ILDR1: variants seen among roughly 807,000 people sequenced by gnomAD.
ILDR1 encodes immunoglobulin-like domain-containing receptor 1.
In ILDR1, 56 loss-of-function variants were observed where a neutral mutation model predicts 62.4. That is an observed-to-expected ratio of 0.90 (90% CI 0.72 to 1.12). The LOEUF is 1.12. Among genes scored for constraint, ILDR1 ranks in the 50% most tolerant of loss-of-function variants. The pLI, the probability that ILDR1 is intolerant of heterozygous loss-of-function variation, is 0.00. For missense variants in ILDR1, 736 were observed against 710.6 expected (o/e 1.04, Z -0.41); for synonymous variants, 284 against 277.8 (o/e 1.02, Z -0.22).
At chr3:122,047,083 A>G in the ILDR1 span, among the ~76,000 whole-genome samples, 1 of 145,350 alleles carries the variant, frequency 6.9e-6, no homozygotes, top group African/African-American at 2.6e-5. Flanking sequence ...ATGGTGATGT[A>G]CAGATGGGTT....
intron 5 of ILDR1, among the ~76,000 whole-genome samples, chr3:121,999,418 A>G (rs2107652928): frequency 6.6e-6 from 1 of 152,382 alleles, no homozygotes; most frequent in Non-Finnish European, 1.5e-5. Context: ...TTTGACCAAG[A>G]AAATAACTTT....
At chr3:122,036,923 A>G in the ILDR1 span, among the ~76,000 whole-genome samples, 1 of 152,202 alleles carries the variant, frequency 6.6e-6, no homozygotes, top group Non-Finnish European at 1.5e-5. Context: ...AGCCATGGCT[A>G]AAAGGGGCCA....
In ILDR1 at chr3:122,007,039, G is replaced by T. The variant is rs148962924; in HGVS notation, c.181C>A (p.Arg61Ser). ...GGGTCCTTGCAGAAGGACTTGAAGC[G>T]CCATGTCACCACCACGTCCTGGAGC... is the stretch of plus-strand genomic sequence containing the variant. ...AQLQDVVVTWRFKSFCKDPIF... is the reference protein window; with the variant it reads ...AQLQDVVVTWSFKSFCKDPIF... The change falls in exon 2 of 8, where the codon CGC becomes AGC. Residue 61 changes from arginine to serine, a missense_variant. Arg to Ser is a moderately radical substitution (Grantham distance 110). Transcript: ENST00000344209. 10 of 1,613,708 alleles carry T rather than the reference G, an allele frequency of 6.2e-6. No individual in the cohort carries two copies. In the East Asian group the frequency reaches 8.9e-5, roughly 14 times the overall value.
the ILDR1 span, among the ~76,000 whole-genome samples, chr3:122,053,996 CTT>C: frequency 6.6e-6 from 1 of 152,080 alleles, no homozygotes; most frequent in African/African-American, 2.4e-5. Flanking sequence ...AGATAGATAA[CTT>C]ATATTATTGC....
the ILDR1 span, among the ~76,000 whole-genome samples, chr3:122,032,529 TA>T: frequency 5.3e-4 from 81 of 152,320 alleles, no homozygotes; most frequent in South Asian, 0.016. Flanking sequence ...ATGGTGATCT[TA>T]AGATATGTCC....
At chr3:122,034,018 T>C in the ILDR1 span, among the ~76,000 whole-genome samples, 1 of 152,210 alleles carries the variant, frequency 6.6e-6, no homozygotes, top group East Asian at 1.9e-4. Context: ...TCCATAAAAA[T>C]CGCTAGGGTT....
At chr3:121,998,818 G>A (rs1441951669) in intron 5 of ILDR1, among the ~76,000 whole-genome samples, 2 of 152,134 alleles carry the variant, frequency 1.3e-5, no homozygotes, top group African/African-American at 4.8e-5. Flanking sequence ...CCCCTCCTAC[G>A]GTGTCTTAGC....
chr3:121,995,469 T>C (rs1441559821), intron 5 of ILDR1, among the ~76,000 whole-genome samples: 1 of 152,196 alleles, frequency 6.6e-6, no homozygotes, highest in African/African-American at 2.4e-5. Flanking sequence ...GGTCATCCAG[T>C]GGGCTGCTCA....
intron 5 of ILDR1, among the ~76,000 whole-genome samples, 164 bp from the exon 6 acceptor site, chr3:121,994,477 C>G (rs1225165238): frequency 1.3e-5 from 2 of 152,188 alleles, no homozygotes; most frequent in East Asian, 3.9e-4. Context: ...AATTAACTGT[C>G]CCCCTGGCGA....
rs768815404 is a variant in ILDR1 at position 122,006,977 on chromosome 3, G to T, written c.229+14C>A. 25 of 1,609,658 alleles carry T rather than the reference G, an allele frequency of 1.6e-5. No homozygotes were observed. Among genetic ancestry groups the T allele is most frequent in the East Asian group, 2.2e-5 (1 of 44,828 alleles). On this transcript the variant is annotated intron_variant, in intron 2 of 7. Transcript: ENST00000344209. ...CTGGGACCCACAGAGGGCCAAGGGG[G>T]TAAGGATACTCACACGCTGAGTAGT... is the stretch of plus-strand genomic sequence containing the variant.
the ILDR1 span, among the ~76,000 whole-genome samples, chr3:122,031,961 A>AGATAT: frequency 6.6e-6 from 1 of 152,172 alleles, no homozygotes; most frequent in Non-Finnish European, 1.5e-5. Flanking sequence ...TGATATCTTA[A>AGATAT]CAATTTTTTA....
chr3:121,993,347 A>G lies in ILDR1; in HGVS notation c.1402T>C (p.Tyr468His). The G allele has an allele frequency of 6.2e-7, 1 of 1,610,102 alleles. No individual in the cohort carries two copies. The highest frequency in any genetic ancestry group is 8.5e-7 in the Non-Finnish European group (1 of 1,176,934). The change falls in exon 7 of 8, where the codon TAC (tyrosine) becomes CAC (histidine). Residue 468 changes from tyrosine to histidine, a missense_variant. Coordinates refer to ENST00000344209, the MANE Select transcript of ILDR1 (RefSeq NM_001199799.2). ...AGGCCGGAGGGCAAGGGAGGAGAGT[A>G]GCTGCGGTGCCTGCGTCGTCTCCCG... ...RHGRRRRHRS[Y>H]SPPLPSGLSS...
intron 1 of ILDR1, among the ~76,000 whole-genome samples, chr3:122,017,359 C>A: frequency 6.6e-6 from 1 of 152,254 alleles, no homozygotes; most frequent in East Asian, 1.9e-4. Context: ...AGAGTCTTCT[C>A]AATTCTTAAA....
the ILDR1 span, among the ~76,000 whole-genome samples, chr3:122,054,717 C>T: frequency 3.3e-5 from 5 of 152,042 alleles, no homozygotes; most frequent in South Asian, 4.1e-4. Flanking sequence ...TTAATTCATA[C>T]GAGGAAATAT....
intron 1 of ILDR1, among the ~76,000 whole-genome samples, chr3:122,012,471 C>A (rs2071718483): frequency 6.6e-6 from 1 of 152,152 alleles, no homozygotes; most frequent in Admixed American, 6.5e-5. Context: ...TGTCTCCAAT[C>A]CCTAACAGCT....
chr3:121,999,881 G>A (rs992985883), intron 5 of ILDR1, among the ~76,000 whole-genome samples: 10 of 152,096 alleles, frequency 6.6e-5, no homozygotes, highest in African/African-American at 2.4e-4. Context: ...GGCAAGATAA[G>A]GTCTAATTCT....
At chr3:121,996,982 C>A (rs1027202994) in intron 5 of ILDR1, among the ~76,000 whole-genome samples, 3 of 152,162 alleles carry the variant, frequency 2.0e-5, no homozygotes, top group Non-Finnish European at 4.4e-5. Context: ...CTCACTGCAA[C>A]CTTCGCCTCT....
At chr3:122,044,617 G>C in the ILDR1 span, among the ~76,000 whole-genome samples, 2 of 151,628 alleles carry the variant, frequency 1.3e-5, no homozygotes, top group African/African-American at 2.4e-5. Context: ...TTTATTCAGA[G>C]ATTCAACTTC....
chr3:122,027,542 G>A, the ILDR1 span, among the ~76,000 whole-genome samples: 2 of 151,964 alleles, frequency 1.3e-5, no homozygotes, highest in Non-Finnish European at 2.9e-5. Flanking sequence ...TTGTGTTCTT[G>A]GATAAGAACC....
Sources: gnomAD v4.1 joint callset for allele counts (sites outside exome capture counted in the v4.1 genomes callset) on GRCh38, gnomAD v4.1.1 for gene constraint, MANE v1.5 for transcripts, NCBI Gene and HGNC (gene_info 2026-07-23, HGNC 2026-07-21) for gene names.